The following PARM1 variants were observed in gnomAD, a reference collection of about 807,000 sequenced individuals.
The protein encoded by PARM1 is prostate androgen-regulated mucin-like protein 1.
PARM1 carries 14 observed loss-of-function variants against 24.6 expected under a neutral mutation model. The ratio of observed to expected loss-of-function variants is 0.57; its 90% confidence interval spans 0.38 to 0.89. The LOEUF is 0.89. Ranked by LOEUF, PARM1 falls within the 40% of genes least tolerant of loss-of-function variation. PARM1 has a pLI of 0.00. For missense variants in PARM1, 362 were observed against 380.4 expected (o/e 0.95, Z 0.40); for synonymous variants, 179 against 156.6 (o/e 1.14, Z -1.07).
chr4:74,962,142 T>C (rs533169986), intron 1 of PARM1, among the ~76,000 whole-genome samples: 215 of 152,334 alleles, frequency 1.4e-3, no homozygotes, highest in African/African-American at 5.0e-3. Flanking sequence ...TACAGTTCTG[T>C]AATATCAATA....
intron 3 of PARM1, among the ~76,000 whole-genome samples, chr4:75,035,267 G>A (rs1287265850): frequency 3.3e-5 from 5 of 152,042 alleles, no homozygotes; most frequent in East Asian, 1.9e-4. Flanking sequence ...TATATGTGTT[G>A]CTTGTTTATT....
chr4:74,946,468 T>C (rs139518654), intron 1 of PARM1, among the ~76,000 whole-genome samples: 1,812 of 152,338 alleles, frequency 0.012, 30 homozygotes, highest in African/African-American at 0.041. Context: ...CCAAATTGCC[T>C]GCTCTCTTCC....
intron 3 of PARM1, among the ~76,000 whole-genome samples, chr4:75,038,783 GTC>G (rs899312681): frequency 6.6e-6 from 1 of 152,198 alleles, no homozygotes; most frequent in African/African-American, 2.4e-5. Context: ...AATGAGATAA[GTC>G]TGTTTTGATT....
chr4:74,979,503 C>A (rs1346881804), intron 1 of PARM1, among the ~76,000 whole-genome samples: 1 of 152,072 alleles, frequency 6.6e-6, no homozygotes, highest in Non-Finnish European at 1.5e-5. Context: ...CATGATCAGA[C>A]AGATTCATGG....
chr4:74,935,594 C>G (rs1037174440), intron 1 of PARM1, among the ~76,000 whole-genome samples: 9 of 152,178 alleles, frequency 5.9e-5, no homozygotes, highest in African/African-American at 2.2e-4. Context: ...TGTGTCTTTT[C>G]TGTTTCCTTC....
chr4:74,936,878 AG>A (rs1721205383), intron 1 of PARM1, among the ~76,000 whole-genome samples: 1 of 152,176 alleles, frequency 6.6e-6, no homozygotes, highest in Non-Finnish European at 1.5e-5. Context: ...ACACTAGGTA[AG>A]AGAGGCACAA....
At chr4:74,950,738 AG>A (rs1560773309) in intron 1 of PARM1, among the ~76,000 whole-genome samples, 4 of 152,098 alleles carry the variant, frequency 2.6e-5, no homozygotes, top group African/African-American at 7.2e-5. Context: ...TATCACATCA[AG>A]TTTTTTTTAT....
At position 75,013,041 on chromosome 4, in the gene PARM1, A is replaced by G. The variant is rs746952378; in HGVS notation, c.660A>G (p.Thr220=). The stretch of plus-strand genomic sequence containing the variant: ...CTGAGCCAGTACCCCAGGAGAAAAC[A>G]CCCCCAACAACTGTGTCAGGCAAAG... ...ATAEPVPQEK[T]PPTTVSGKVM... is the part of the protein sequence containing the mutation. Residue 220 remains threonine (T), a synonymous_variant, in exon 2 of 4, where the codon ACA becomes ACG. Coordinates refer to ENST00000307428, the MANE Select transcript of PARM1 (RefSeq NM_015393.4). 1.2e-6 allele frequency: 2 copies of G among 1,613,854 alleles called. No homozygotes were observed. The highest frequency in any genetic ancestry group is 4.5e-5 in the East Asian group (2 of 44,878).
rs139487462 is a variant in PARM1, at chr4:75,041,777, T to C, written c.849-4386T>C. Among the ~76,000 whole-genome samples the C allele has an allele frequency of 1.0e-3, 153 of 152,270 alleles. 1 individual carries two copies. Among genetic ancestry groups the C allele is most frequent in the African/African-American group, 3.5e-3 (146 of 41,564 alleles). ...AGGGAGTAGGGAGTGCTGCTTTCTA[T>C]TAGGGAAGAGCCACTAGAGAAAGAG... On this transcript the variant is annotated intron_variant, in intron 3 of 3. Transcript: ENST00000307428.
chr4:74,954,542 C>A (rs937970140), intron 1 of PARM1, among the ~76,000 whole-genome samples: 1 of 152,204 alleles, frequency 6.6e-6, no homozygotes, highest in African/African-American at 2.4e-5. Context: ...ATGGACATAG[C>A]AAAGTATAGA....
chr4:75,038,130 TG>T (rs1723408747), intron 3 of PARM1, among the ~76,000 whole-genome samples: 1 of 152,120 alleles, frequency 6.6e-6, no homozygotes, highest in African/African-American at 2.4e-5. Context: ...TTGACCAGGG[TG>T]GTCTCGCTCT....
At chr4:74,974,889 A>G (rs2109767825) in intron 1 of PARM1, among the ~76,000 whole-genome samples, 1 of 152,268 alleles carries the variant, frequency 6.6e-6, no homozygotes. Context: ...AACACAGGCA[A>G]AAGGTGGTCA....
At chr4:75,038,835 C>T (rs2109812944) in intron 3 of PARM1, among the ~76,000 whole-genome samples, 1 of 152,332 alleles carries the variant, frequency 6.6e-6, no homozygotes, top group South Asian at 2.1e-4. Context: ...AAGACATAAT[C>T]TCCCTGCACA....
intron 1 of PARM1, among the ~76,000 whole-genome samples, chr4:74,966,350 A>G (rs954260995): frequency 6.6e-6 from 1 of 152,232 alleles, no homozygotes; most frequent in African/African-American, 2.4e-5. Context: ...TACAATAAAG[A>G]CAAATAAGGA....
intron 2 of PARM1, among the ~76,000 whole-genome samples, chr4:75,013,392 A>T (rs1185674602): frequency 6.6e-6 from 1 of 152,244 alleles, no homozygotes; most frequent in East Asian, 1.9e-4. Flanking sequence ...TGCTACAGGG[A>T]ATGTAAGCAC....
chr4:74,959,238 G>T (rs965846134), intron 1 of PARM1, among the ~76,000 whole-genome samples: 1 of 152,146 alleles, frequency 6.6e-6, no homozygotes, highest in Non-Finnish European at 1.5e-5. Flanking sequence ...GTTAGAAATT[G>T]ATATAAAGCT....
At chr4:74,981,556 G>T (rs1722256341) in intron 1 of PARM1, among the ~76,000 whole-genome samples, 2 of 152,246 alleles carry the variant, frequency 1.3e-5, no homozygotes, top group South Asian at 4.1e-4. Flanking sequence ...CAACCATTAT[G>T]GAAGACAATG....
At chr4:74,989,280 C>T (rs975782598) in intron 1 of PARM1, among the ~76,000 whole-genome samples, 8 of 152,144 alleles carry the variant, frequency 5.3e-5, no homozygotes, top group Admixed American at 5.2e-4. Context: ...AGACAGCAAT[C>T]CCAGGAACTA....
chr4:75,040,853 C>T (rs1014679556), intron 3 of PARM1, among the ~76,000 whole-genome samples: 1 of 151,906 alleles, frequency 6.6e-6, no homozygotes, highest in East Asian at 1.9e-4. Flanking sequence ...ACTTGCTGCT[C>T]CCTCTGTCTA....
Sources: gnomAD v4.1 joint callset for allele counts (sites outside exome capture counted in the v4.1 genomes callset) on GRCh38, gnomAD v4.1.1 for gene constraint, MANE v1.5 for transcripts, NCBI Gene and HGNC (gene_info 2026-07-23, HGNC 2026-07-21) for gene names.